The following CUL4B variants were observed in gnomAD, a reference collection of about 807,000 sequenced individuals.
CUL4B encodes cullin 4B.
Under a neutral mutation model 69.2 loss-of-function variants are expected in CUL4B, and 1 was observed. That is an observed-to-expected ratio of 0.01 (90% CI 0.01 to 0.07). The LOEUF is 0.07. CUL4B is among the 10% of genes least tolerant of loss of function. The pLI, the probability that CUL4B is intolerant of heterozygous loss-of-function variation, is 1.00. For missense variants in CUL4B, 328 were observed against 638.8 expected, an observed-to-expected ratio of 0.51 and a Z score of 5.24; for synonymous variants, 237 against 223.2, an observed-to-expected ratio of 1.06 and a Z score of -0.55.
At position 120,533,894 on chromosome X, in the gene CUL4B, C is replaced by T. The variant is rs1019350961; in HGVS notation, c.2266+587G>A. On this transcript the variant is annotated intron_variant, in intron 17 of 19. Coordinates refer to ENST00000371322, the MANE Select transcript of CUL4B (RefSeq NM_001079872.2). ...CAGCCTGGCCAACATGGTGAAACCC[C>T]GTCTCTACTAAAAATACAAACATTA... is the stretch of plus-strand genomic sequence containing the variant. Among the ~76,000 whole-genome samples the T allele has an allele frequency of 9.1e-5, 10 of 110,328 alleles. No individual in the cohort carries two copies. In the East Asian group the frequency reaches 2.3e-3, roughly 25 times the overall value.
chrX:120,566,349 A>ATATATATATATATATATATATG (rs1925522772), upstream of CUL4B, among the ~76,000 whole-genome samples: 2 of 20,569 alleles, frequency 9.7e-5, no homozygotes, highest in African/African-American at 3.1e-4. Flanking sequence ...GTATAGGTAT[A>ATATATATATATATATATATATG]TATATATATA....
chrX:120,558,095 A>C lies in CUL4B; in HGVS notation c.557-56T>G, dbSNP rs1925086496. ...ATACCATGTCAGATACAGTAACCAA[A>C]GATTCATAAAATATAATAGCATTAC... On this transcript the variant is annotated intron_variant, in intron 1 of 19. Transcript: ENST00000371322. 4.3e-5 allele frequency: 30 copies of C among 698,382 alleles called. 1 individual carries two copies. In the South Asian group the frequency reaches 6.1e-4, roughly 14 times the overall value. The allele number at this position is 698,382 out of a possible 1,213,427, so 57.6% of individuals were successfully genotyped here.
chrX:120,553,502 G>A (rs763868030), intron 2 of CUL4B, among the ~76,000 whole-genome samples: 1 of 112,174 alleles, frequency 8.9e-6, no homozygotes, highest in South Asian at 3.6e-4. Flanking sequence ...CAGAATTGAA[G>A]TATGGCCTAG....
chrX:120,544,410 T>G, intron 6 of CUL4B, 71 bp downstream of exon 6: 2 of 1,072,337 alleles, frequency 1.9e-6, no homozygotes, highest in Non-Finnish European at 2.6e-6. Context: ...GCACATTACC[T>G]GTCTGATGTG....
At chrX:120,562,719 C>A (rs2081576630), upstream of CUL4B, among the ~76,000 whole-genome samples, 1 of 110,982 alleles carries the variant, frequency 9.0e-6, no homozygotes, top group Admixed American at 9.6e-5. Context: ...GAAACAAGGG[C>A]AAAGCAAGGA....
chrX:120,535,737 C>CA lies in CUL4B; in HGVS notation c.2160+92dup, dbSNP rs1462235007. 4 of 311,559 alleles carry CA rather than the reference C, an allele frequency of 1.3e-5. No individual in the cohort carries two copies. The East Asian group carries it at 2.5e-4, about 20-fold the overall frequency. The allele number at this position is 311,559 out of a possible 1,213,427, so 25.7% of individuals were successfully genotyped here. A position where few individuals can be genotyped will look rare whatever the true frequency, so the allele number is the denominator to read the frequency against. ...AAAAAAAAAAAAAAAAAGAAGAAAA[C>CA]AAAAAACAATAGCCTAAACTTTCAG... is the stretch of plus-strand genomic sequence containing the variant. On this transcript the variant is annotated intron_variant, in intron 16 of 19. Coordinates refer to ENST00000371322, the MANE Select transcript of CUL4B (RefSeq NM_001079872.2).
At chrX:120,529,857 A>G (rs1009742043) in intron 19 of CUL4B, among the ~76,000 whole-genome samples, 3 of 109,985 alleles carry the variant, frequency 2.7e-5, no homozygotes, top group African/African-American at 9.9e-5. Context: ...AATTTCAAAC[A>G]CTCATTTAGC....
chrX:120,548,139 T>C (rs1344102793), intron 2 of CUL4B, among the ~76,000 whole-genome samples: 1 of 110,947 alleles, frequency 9.0e-6, no homozygotes, highest in Non-Finnish European at 1.9e-5. Context: ...CTGGGCCCAG[T>C]GGTGTGTACC....
chrX:120,565,880 C>G (rs1307394216), upstream of CUL4B, among the ~76,000 whole-genome samples: 1 of 104,910 alleles, frequency 9.5e-6, no homozygotes, highest in Non-Finnish European at 2.0e-5. Flanking sequence ...CGCCTACCAC[C>G]ACGCCCAGCT....
At chrX:120,528,034 T>C (rs773217823) in intron 19 of CUL4B, among the ~76,000 whole-genome samples, 1 of 112,491 alleles carries the variant, frequency 8.9e-6, no homozygotes, top group South Asian at 3.6e-4. Context: ...GTCAAGATAG[T>C]TCATGAAGCA....
upstream of CUL4B, among the ~76,000 whole-genome samples, chrX:120,566,363 A>ATGTATG: frequency 1.8e-5 from 1 of 57,138 alleles, no homozygotes; most frequent in East Asian, 4.8e-4. Flanking sequence ...ATATATATAT[A>ATGTATG]TATATATATA....
chrX:120,532,457 T>G lies in CUL4B; in HGVS notation c.2404A>C (p.Arg802=). 1 of 1,205,905 alleles carries G rather than the reference T, an allele frequency of 8.3e-7. No homozygotes were observed. The highest frequency in any genetic ancestry group is 1.1e-6 in the Non-Finnish European group (1 of 890,388). ...ATCTGGATTTGATTGATCTTTATCC[T>G]GAAAAGTTTATGTTTGAAATCATCA... ...CNDDFKHKLF[R]IKINQIQMKE... The change falls in exon 18 of 20, where the codon AGG becomes CGG. Residue 802 remains arginine (R), a synonymous_variant. Transcript: ENST00000371322.
downstream of CUL4B, among the ~76,000 whole-genome samples, chrX:120,567,484 GT>G (rs748972529): frequency 2.0e-3 from 222 of 109,368 alleles, no homozygotes; most frequent in African/African-American, 6.4e-3. Context: ...TGACCTAGGA[GT>G]TTTTTTTGTT....
rs769853976 is a variant in CUL4B at position 120,539,447 on chromosome X, AG to A, written c.1637-76del. ...TACTGGGCACTATATATACCCAAAG[AG>A]GAGTATGATACACTGAGTTTTTCAA... is the stretch of plus-strand genomic sequence containing the variant. On this transcript the variant is annotated intron_variant, in intron 11 of 19. Transcript: ENST00000371322. 745 of 554,822 alleles carry A rather than the reference AG, an allele frequency of 1.3e-3. 2 individuals carry two copies. Among genetic ancestry groups the A allele is most frequent in the Non-Finnish European group, 1.8e-3 (620 of 336,249 alleles). The allele number at this position is 554,822 out of a possible 1,213,427, so 45.7% of individuals were successfully genotyped here.
chrX:120,566,017 C>G (rs1395389251), upstream of CUL4B, among the ~76,000 whole-genome samples: 1 of 108,851 alleles, frequency 9.2e-6, no homozygotes, highest in Non-Finnish European at 1.9e-5. Context: ...CGTGAGCCAC[C>G]GCGCCCGGCC....
At chrX:120,534,802 A>G (rs1923555301) in intron 16 of CUL4B, among the ~76,000 whole-genome samples, 1 of 111,219 alleles carries the variant, frequency 9.0e-6, no homozygotes, top group South Asian at 3.8e-4. Context: ...ACCTTTTAAC[A>G]GTTTTTTTTT....
intron 2 of CUL4B, among the ~76,000 whole-genome samples, chrX:120,553,079 A>T (rs1924779708): frequency 8.9e-6 from 1 of 112,493 alleles, no homozygotes; most frequent in Non-Finnish European, 1.9e-5. Context: ...TGCACATTTT[A>T]AAATTTTTTA....
At chrX:120,538,493 G>A (rs773389833) in intron 13 of CUL4B, 167 bp downstream of exon 13, 89 of 440,371 alleles carry the variant, frequency 2.0e-4, no homozygotes, top group South Asian at 9.3e-4. Context: ...AAACAACTCT[G>A]GATATTATGT....
At chrX:120,534,679 G>A (rs1466198919) in intron 16 of CUL4B, 93 bp from the exon 17 acceptor site, 18 of 607,397 alleles carry the variant, frequency 3.0e-5, no homozygotes, top group Non-Finnish European at 3.6e-5. Context: ...TTCAATTAGT[G>A]GATTTAGAAA....
Sources: allele counts gnomAD v4.1 joint callset (sites outside exome capture counted in the v4.1 genomes callset), GRCh38; gene constraint gnomAD v4.1.1; transcripts MANE v1.5; gene names NCBI Gene and HGNC (gene_info 2026-07-23, HGNC 2026-07-21).